PRDM5: variants seen among roughly 807,000 people sequenced by gnomAD.
PRDM5 encodes the protein PR/SET domain 5, also known as PR domain zinc finger protein 5.
A neutral mutation model predicts 81.2 loss-of-function variants in PRDM5; 56 were observed. The observed-to-expected ratio is 0.69, with a 90% confidence interval of 0.56 to 0.86. The LOEUF is 0.86. PRDM5 is among the 40% of genes least tolerant of loss of function. The pLI, the probability that PRDM5 is intolerant of heterozygous loss-of-function variation, is 0.00. For missense variants in PRDM5, 697 were observed against 770.1 expected, an observed-to-expected ratio of 0.91 and a Z score of 1.12; for synonymous variants, 267 against 256.4, an observed-to-expected ratio of 1.04 and a Z score of -0.39.
intron 6 of PRDM5, 50 bp from the exon 7 acceptor site, chr4:120,816,624 C>A: frequency 1.2e-6 from 2 of 1,612,068 alleles, no homozygotes; most frequent in Non-Finnish European, 1.7e-6. Context: ...GAAGACATAC[C>A]TACAAAACTC....
chr4:120,864,625 T>C (rs1760998922), intron 2 of PRDM5, among the ~76,000 whole-genome samples: 1 of 152,210 alleles, frequency 6.6e-6, no homozygotes, highest in African/African-American at 2.4e-5. Context: ...TATTGATATC[T>C]CTGAGTGTCA....
At chr4:120,690,834 G>A (rs555366138), downstream of PRDM5, among the ~76,000 whole-genome samples, 2 of 152,172 alleles carry the variant, frequency 1.3e-5, no homozygotes, top group East Asian at 3.9e-4. Context: ...TGATTTAGAT[G>A]ATCAAGCTTC....
At chr4:120,919,033 C>T (rs951301442) in intron 1 of PRDM5, among the ~76,000 whole-genome samples, 6 of 152,188 alleles carry the variant, frequency 3.9e-5, no homozygotes, top group Admixed American at 3.9e-4. Context: ...GAACTTTATA[C>T]TGAACAGGCT....
At chr4:120,790,240 A>G (rs1750370225) in intron 10 of PRDM5, among the ~76,000 whole-genome samples, 1 of 152,224 alleles carries the variant, frequency 6.6e-6, no homozygotes, top group Admixed American at 6.5e-5. Context: ...CATTTATTAC[A>G]GCTAACTTAG....
At chr4:120,716,724 A>G (rs1455396558) in intron 14 of PRDM5, among the ~76,000 whole-genome samples, 1 of 152,186 alleles carries the variant, frequency 6.6e-6, no homozygotes, top group Non-Finnish European at 1.5e-5. Flanking sequence ...ATTCCAATTT[A>G]TAGTGAATGT....
intron 8 of PRDM5, chr4:120,810,562 A>G (rs1434308379): frequency 1.3e-5 from 2 of 152,202 alleles, no homozygotes; most frequent in Admixed American, 6.5e-5. Flanking sequence ...AAAGCATTCC[A>G]TATCTCTAAA....
chr4:120,877,797 TC>T (rs1173313683), intron 2 of PRDM5, among the ~76,000 whole-genome samples: 3 of 152,166 alleles, frequency 2.0e-5, no homozygotes. Flanking sequence ...AAAGCAAGAC[TC>T]CGTCTCAAAA....
chr4:120,731,845 C>T (rs965151040), intron 14 of PRDM5: 1 of 152,184 alleles, frequency 6.6e-6, no homozygotes, highest in Non-Finnish European at 1.5e-5. Context: ...CAAACTATCC[C>T]TGGAATGCCT....
chr4:120,885,186 C>T (rs984292835), intron 2 of PRDM5, among the ~76,000 whole-genome samples: 18 of 135,404 alleles, frequency 1.3e-4, no homozygotes, highest in Non-Finnish European at 1.4e-4. Context: ...ACATACGACA[C>T]ATTACCCACC....
intron 2 of PRDM5, chr4:120,895,637 A>C (rs3106314): frequency 0.39 from 59,476 of 152,020 alleles, 12,636 homozygotes; most frequent in African/African-American, 0.57. Flanking sequence ...TTCTCCTTCC[A>C]CTTCTTTATC....
At position 120,816,861 on chromosome 4, in the gene PRDM5, A is replaced by G. The variant is rs1754585996; in HGVS notation, c.714T>C (p.Val238=). 4 of 1,613,824 alleles carry G rather than the reference A, an allele frequency of 2.5e-6. No individual in the cohort carries two copies. The highest frequency in any genetic ancestry group is 3.4e-6 in the Non-Finnish European group (4 of 1,179,806). ...KESSRSFQCS[V]CNSSFSSASS... ...ATGCTGAACTGAAGGAAGAATTGCAAACAGAGCACTGAAAACTTCGCGAAG... is the reference window on the plus strand; with the variant it reads ...ATGCTGAACTGAAGGAAGAATTGCAGACAGAGCACTGAAAACTTCGCGAAG... The change falls in exon 6 of 16, where the codon GTT becomes GTC. Residue 238 remains valine, a synonymous_variant. Coordinates refer to ENST00000264808, the MANE Select transcript of PRDM5 (RefSeq NM_018699.4).
intron 13 of PRDM5, among the ~76,000 whole-genome samples, chr4:120,770,588 G>T (rs1433922805): frequency 6.6e-6 from 1 of 151,646 alleles, no homozygotes; most frequent in Non-Finnish European, 1.5e-5. Flanking sequence ...GTATGCTTAG[G>T]TTCAAGAAAG....
In PRDM5 at chr4:120,752,595, G is replaced by T. The variant is rs907023135; in HGVS notation, c.1623+1958C>A. Among the ~76,000 whole-genome samples the T allele has an allele frequency of 3.3e-5, 5 of 152,276 alleles. No homozygotes were observed. The East Asian group carries it at 5.8e-4, about 18-fold the overall frequency. ...GGTTCAGAAATTCAAAAGAATATGG[G>T]ACTTTTAAATTTGGGGTCATTACTG... On this transcript the variant is annotated intron_variant, in intron 14 of 15. Coordinates refer to ENST00000264808, the MANE Select transcript of PRDM5 (RefSeq NM_018699.4).
intron 13 of PRDM5, among the ~76,000 whole-genome samples, chr4:120,774,942 ATG>A (rs372753569): frequency 1.1e-4 from 13 of 115,260 alleles, no homozygotes; most frequent in East Asian, 1.0e-3. Flanking sequence ...ATATGTATAT[ATG>A]TGTGTGTATA....
chr4:120,727,205 G>A (rs1238535005), intron 14 of PRDM5, among the ~76,000 whole-genome samples: 2 of 152,124 alleles, frequency 1.3e-5, no homozygotes, highest in African/African-American at 2.4e-5. Flanking sequence ...ACTTACACTG[G>A]CACAGTGAAC....
intron 14 of PRDM5, among the ~76,000 whole-genome samples, chr4:120,745,629 A>G (rs985751904): frequency 7.2e-6 from 1 of 139,300 alleles, no homozygotes; most frequent in Non-Finnish European, 1.5e-5. Context: ...GCATTCCTAT[A>G]CACCAACAAC....
intron 12 of PRDM5, among the ~76,000 whole-genome samples, chr4:120,780,746 T>C (rs1333465732): frequency 6.6e-6 from 1 of 152,150 alleles, no homozygotes; most frequent in Non-Finnish European, 1.5e-5. Context: ...TTCAGTCTAT[T>C]AACTTGCCAA....
At chr4:120,900,957 G>A (rs983113949) in intron 2 of PRDM5, among the ~76,000 whole-genome samples, 2 of 152,128 alleles carry the variant, frequency 1.3e-5, no homozygotes, top group Admixed American at 1.3e-4. Flanking sequence ...TTTCCTTAGA[G>A]ACAGCTATTG....
At chr4:120,854,374 A>C (rs1464946207) in intron 2 of PRDM5, among the ~76,000 whole-genome samples, 2 of 152,180 alleles carry the variant, frequency 1.3e-5, no homozygotes, top group East Asian at 3.9e-4. Flanking sequence ...ATTCCATTAG[A>C]ATCCAGAAAA....
Sources: allele counts gnomAD v4.1 joint callset (sites outside exome capture counted in the v4.1 genomes callset), GRCh38; gene constraint gnomAD v4.1.1; transcripts MANE v1.5; gene names NCBI Gene and HGNC (gene_info 2026-07-23, HGNC 2026-07-21).